The following SPATA16 variants were observed in gnomAD, a reference collection of about 807,000 sequenced individuals.
SPATA16 encodes spermatogenesis-associated protein 16.
In SPATA16, 36 loss-of-function variants were observed where a neutral mutation model predicts 63.3. The ratio of observed to expected loss-of-function variants is 0.57; its 90% CI spans 0.44 to 0.75. The LOEUF (loss-of-function observed/expected upper bound fraction) is 0.75, where lower values mean the gene tolerates loss of function less well. Among genes scored for constraint, SPATA16 ranks in the 30% least tolerant of loss-of-function variants. The pLI is 0.00. For missense variants in SPATA16, 646 were observed against 679.3 expected (o/e 0.95, Z 0.54); for synonymous variants, 203 against 216.7 (o/e 0.94, Z 0.56).
At chr3:173,133,484 A>G (rs1738440611) in intron 1 of SPATA16, among the ~76,000 whole-genome samples, 1 of 152,124 alleles carries the variant, frequency 6.6e-6, no homozygotes, top group Non-Finnish European at 1.5e-5. Flanking sequence ...AGTGAACCCT[A>G]TCTTAGTGAC....
At position 172,898,864 on chromosome 3, in the gene SPATA16, C is replaced by T. The variant is rs185449690; in HGVS notation, c.1588-9172G>A. 5.9e-5 allele frequency among the ~76,000 whole-genome samples: 9 copies of T among 151,832 alleles called. No individual in the cohort carries two copies. In the East Asian group the frequency reaches 1.5e-3, roughly 26 times the overall value. On this transcript the variant is annotated intron_variant, in intron 10 of 10. Transcript: ENST00000351008. ...TGCATTTAGTGCTATACATTTTTCT[C>T]TCATTGCTATTTTACCTGTATCCCA... is the stretch of plus-strand genomic sequence containing the variant.
chr3:172,913,842 C>A, intron 9 of SPATA16, 98 bp from the exon 10 acceptor site: 1 of 1,068,892 alleles, frequency 9.4e-7, no homozygotes, highest in Non-Finnish European at 1.4e-6. Flanking sequence ...CATTTGTACG[C>A]TGATGATTTT....
At chr3:172,962,981 A>G (rs1440222836) in intron 5 of SPATA16, among the ~76,000 whole-genome samples, 1 of 152,120 alleles carries the variant, frequency 6.6e-6, no homozygotes, top group Non-Finnish European at 1.5e-5. Context: ...TTAAAAACAG[A>G]TTTTCATAAA....
At chr3:172,949,941 T>C (rs1310978289) in intron 6 of SPATA16, among the ~76,000 whole-genome samples, 1 of 152,180 alleles carries the variant, frequency 6.6e-6, no homozygotes, top group Non-Finnish European at 1.5e-5. Context: ...TTGCTGAGCA[T>C]TATGGATACA....
intron 3 of SPATA16, among the ~76,000 whole-genome samples, chr3:173,022,760 A>G (rs565953628): frequency 7.5e-4 from 114 of 151,752 alleles, no homozygotes; most frequent in African/African-American, 2.6e-3. Context: ...AAAAAAAACT[A>G]CAATTGTAAT....
At chr3:173,100,273 C>T in intron 2 of SPATA16, among the ~76,000 whole-genome samples, 1 of 152,100 alleles carries the variant, frequency 6.6e-6, no homozygotes, top group East Asian at 1.9e-4. Flanking sequence ...TTGCTGTTTT[C>T]ATAACCCAAA....
intron 5 of SPATA16, among the ~76,000 whole-genome samples, chr3:172,960,842 G>A (rs1022037752): frequency 5.0e-5 from 7 of 139,686 alleles, no homozygotes; most frequent in African/African-American, 1.8e-4. Context: ...AACATTTTCG[G>A]GATGATAGAA....
intron 10 of SPATA16, among the ~76,000 whole-genome samples, chr3:172,909,383 G>T (rs1164169112): frequency 6.6e-6 from 1 of 152,158 alleles, no homozygotes; most frequent in African/African-American, 2.4e-5. Context: ...GGTGGGATTT[G>T]CTGTGCAAGT....
intron 10 of SPATA16, among the ~76,000 whole-genome samples, chr3:172,900,302 A>G (rs983791376): frequency 2.0e-5 from 3 of 152,148 alleles, no homozygotes; most frequent in African/African-American, 7.2e-5. Flanking sequence ...TTTTTCATAT[A>G]GATAATGCAT....
chr3:173,127,270 A>C (rs1738250052), intron 1 of SPATA16, among the ~76,000 whole-genome samples: 1 of 152,174 alleles, frequency 6.6e-6, no homozygotes. Context: ...GTATACATCA[A>C]GCCTCATTAC....
chr3:172,950,952 G>A (rs1230970470), intron 6 of SPATA16, among the ~76,000 whole-genome samples: 1 of 151,970 alleles, frequency 6.6e-6, no homozygotes. Flanking sequence ...GAGGAGACAG[G>A]ATATGCGGAT....
At chr3:173,122,873 C>T (rs1237202579) in intron 1 of SPATA16, among the ~76,000 whole-genome samples, 1 of 152,086 alleles carries the variant, frequency 6.6e-6, no homozygotes, top group Non-Finnish European at 1.5e-5. Flanking sequence ...TTCTTCAGAG[C>T]CTGGAACATA....
At chr3:173,131,464 T>C (rs1279787606) in intron 1 of SPATA16, among the ~76,000 whole-genome samples, 6 of 152,040 alleles carry the variant, frequency 3.9e-5, no homozygotes, top group Non-Finnish European at 4.4e-5. Flanking sequence ...TGGGAAAGAG[T>C]GTGAGCATCT....
intron 4 of SPATA16, among the ~76,000 whole-genome samples, chr3:172,997,038 A>G (rs1734708284): frequency 6.6e-6 from 1 of 152,170 alleles, no homozygotes; most frequent in Non-Finnish European, 1.5e-5. Flanking sequence ...CACCTACTGA[A>G]GAACATCTTG....
At chr3:172,935,160 C>G (rs551216887) in intron 6 of SPATA16, among the ~76,000 whole-genome samples, 1 of 152,264 alleles carries the variant, frequency 6.6e-6, no homozygotes, top group Non-Finnish European at 1.5e-5. Context: ...ATATAAAACT[C>G]AATACAAACG....
intron 4 of SPATA16, among the ~76,000 whole-genome samples, chr3:172,996,637 G>A (rs1327288015): frequency 6.6e-6 from 1 of 152,008 alleles, no homozygotes; most frequent in African/African-American, 2.4e-5. Context: ...TACAATTGAT[G>A]ACTTATATTT....
chr3:172,986,951 A>T (rs552056501), intron 4 of SPATA16, among the ~76,000 whole-genome samples: 1 of 152,224 alleles, frequency 6.6e-6, no homozygotes, highest in Non-Finnish European at 1.5e-5. Flanking sequence ...GGACAAAGTC[A>T]ACTAACAAGG....
intron 2 of SPATA16, among the ~76,000 whole-genome samples, chr3:173,084,275 T>G (rs1736994556): frequency 6.6e-6 from 1 of 152,234 alleles, no homozygotes. Flanking sequence ...TCAGCGATGT[T>G]GAGCTTTTTA....
intron 2 of SPATA16, among the ~76,000 whole-genome samples, chr3:173,108,851 G>A (rs1341004660): frequency 6.6e-6 from 1 of 152,114 alleles, no homozygotes; most frequent in Non-Finnish European, 1.5e-5. Flanking sequence ...TCATAGCCTA[G>A]AAGCAGTAGG....
Sources: gnomAD v4.1 joint callset for allele counts (sites outside exome capture counted in the v4.1 genomes callset) on GRCh38, gnomAD v4.1.1 for gene constraint, MANE v1.5 for transcripts, NCBI Gene and HGNC (gene_info 2026-07-23, HGNC 2026-07-21) for gene names.